JMJD1C: variants seen among roughly 807,000 people sequenced by gnomAD.
JMJD1C encodes jumonji domain containing 1C.
JMJD1C carries 31 observed loss-of-function variants against 245.3 expected under a neutral mutation model. The ratio of observed to expected loss-of-function variants is 0.13; its 90% CI spans 0.09 to 0.17. The LOEUF is 0.17. Ranked by LOEUF, JMJD1C falls within the 10% of genes least tolerant of loss-of-function variation. The pLI is 1.00. For synonymous variants in JMJD1C, 1,057 were observed against 1,017.4 expected (o/e 1.04, Z -0.74); for missense variants, 2,691 against 3,000.2 (o/e 0.90, Z 2.41).
At chr10:63,495,789 GGAAA>G (rs1407239165) in intron 1 of JMJD1C, among the ~76,000 whole-genome samples, 1 of 150,810 alleles carries the variant, frequency 6.6e-6, no homozygotes, top group Non-Finnish European at 1.5e-5. Context: ...ATTGAGAAAG[GGAAA>G]GAATGAAGCA....
At chr10:63,198,041 A>G (rs146270584) in intron 12 of JMJD1C, among the ~76,000 whole-genome samples, 1 of 152,252 alleles carries the variant, frequency 6.6e-6, no homozygotes, top group African/African-American at 2.4e-5. Flanking sequence ...CTATGTTAGG[A>G]ACTATTAAGT....
At chr10:63,223,850 T>A (rs192511658) in intron 3 of JMJD1C, among the ~76,000 whole-genome samples, 81 of 152,086 alleles carry the variant, frequency 5.3e-4, no homozygotes, top group African/African-American at 1.9e-3. Flanking sequence ...ACCTCCCGGG[T>A]TCAAGAGATT....
In JMJD1C at chr10:63,448,960, T is replaced by C. The variant is rs1423689389; in HGVS notation, c.168+16535A>G. On this transcript the variant is annotated intron_variant, in intron 1 of 25. Transcript: ENST00000399262. ...GGTGAAACCCCTTCTCTACTAAAAA[T>C]ACAAAAATTAGCCAGGTGCGGTGGC... 2.6e-5 allele frequency among the ~76,000 whole-genome samples: 4 copies of C among 151,798 alleles called. No individual in the cohort carries two copies. The East Asian group carries it at 7.9e-4, about 30-fold the overall frequency.
chr10:63,520,244 A>G (rs1484194332), intron 1 of JMJD1C, among the ~76,000 whole-genome samples: 1 of 152,074 alleles, frequency 6.6e-6, no homozygotes, highest in Non-Finnish European at 1.5e-5. Context: ...GCCTCATATC[A>G]CCCTTGAAAG....
intron 1 of JMJD1C, among the ~76,000 whole-genome samples, chr10:63,441,880 A>G (rs1418835414): frequency 1.3e-5 from 2 of 152,090 alleles, no homozygotes; most frequent in African/African-American, 4.8e-5. Flanking sequence ...GCTCCTCTCA[A>G]TCCTCTTCTC....
chr10:63,324,462 GAGATCAGA>G (rs1359057797), intron 2 of JMJD1C, among the ~76,000 whole-genome samples: 2 of 152,140 alleles, frequency 1.3e-5, no homozygotes, highest in Non-Finnish European at 2.9e-5. Flanking sequence ...CCTGCAGACG[GAGATCAGA>G]TTTATACACA....
intron 2 of JMJD1C, among the ~76,000 whole-genome samples, chr10:63,314,709 G>T (rs1294580098): frequency 6.6e-6 from 1 of 150,466 alleles, no homozygotes; most frequent in East Asian, 2.0e-4. Context: ...GTGTAATGGT[G>T]CGAGCTCAGC....
chr10:63,265,619 T>C (rs556509942), intron 2 of JMJD1C, among the ~76,000 whole-genome samples: 12 of 152,156 alleles, frequency 7.9e-5, no homozygotes, highest in Non-Finnish European at 1.5e-4. Context: ...CTTATATTCA[T>C]GGTACTGTTC....
chr10:63,305,693 T>G (rs910095665), intron 2 of JMJD1C, among the ~76,000 whole-genome samples: 1 of 147,850 alleles, frequency 6.8e-6, no homozygotes, highest in Non-Finnish European at 1.5e-5. Flanking sequence ...TTGAAAGATC[T>G]TTCTCAAAGG....
intron 3 of JMJD1C, among the ~76,000 whole-genome samples, chr10:63,236,240 C>T (rs1014468674): frequency 1.1e-4 from 17 of 152,250 alleles, no homozygotes; most frequent in African/African-American, 2.6e-4. Flanking sequence ...ACCTATCTTT[C>T]ATAACAATAT....
At position 63,395,216 on chromosome 10, in the gene JMJD1C, T is replaced by C. The variant is rs146931129; in HGVS notation, c.169-14734A>G. The stretch of plus-strand genomic sequence containing the variant: ...ATTTTTGGCCAGGTGCAGCGGCTCA[T>C]GCCTGTAATCCCAGCACTTTGGGAG... On this transcript the variant is annotated intron_variant, in intron 1 of 25. Coordinates refer to ENST00000399262, the MANE Select transcript of JMJD1C (RefSeq NM_032776.3). Among the ~76,000 whole-genome samples, 1,076 of 152,230 alleles carry C rather than the reference T, an allele frequency of 7.1e-3. 15 individuals are homozygous for C. The highest frequency in any genetic ancestry group is 0.023 in the African/African-American group (976 of 41,556).
intron 2 of JMJD1C, among the ~76,000 whole-genome samples, chr10:63,278,858 AT>A (rs1369310378): frequency 2.7e-5 from 4 of 147,558 alleles, no homozygotes; most frequent in South Asian, 2.1e-4. Flanking sequence ...AAAAAAAAAA[AT>A]AGTACTGTTA....
At chr10:63,481,575 A>G (rs1344971368) in intron 1 of JMJD1C, among the ~76,000 whole-genome samples, 1 of 152,226 alleles carries the variant, frequency 6.6e-6, no homozygotes, top group Non-Finnish European at 1.5e-5. Flanking sequence ...ACTACAGTCA[A>G]TTATAGATTA....
intron 2 of JMJD1C, among the ~76,000 whole-genome samples, chr10:63,364,146 T>C (rs1945649441): frequency 6.6e-6 from 1 of 152,054 alleles, no homozygotes; most frequent in Non-Finnish European, 1.5e-5. Flanking sequence ...ATTACAGGTG[T>C]GAGCCACTGC....
chr10:63,325,255 TGATA>T (rs1941371953), intron 2 of JMJD1C, among the ~76,000 whole-genome samples: 1 of 152,196 alleles, frequency 6.6e-6, no homozygotes, highest in African/African-American at 2.4e-5. Flanking sequence ...AAATATTACT[TGATA>T]AACACAAATG....
At position 63,208,358 on chromosome 10, in the gene JMJD1C, T is replaced by G; in HGVS notation, c.3311A>C (p.Glu1104Ala). 1 of 1,613,918 alleles carries G rather than the reference T, an allele frequency of 6.2e-7. No homozygotes were observed. The highest frequency in any genetic ancestry group is 8.5e-7 in the Non-Finnish European group (1 of 1,179,784). ...TTTGGATGGGTATGATCTTGGTGGT[T>G]CATTGACCACACTATTAGACAATGT... ...FTTLSNSVVN[E>A]PPRSYPSKEV... Residue 1104 changes from glutamate to alanine, a missense_variant, in exon 10 of 26, where the codon GAA becomes GCA. Around this residue, in one of 9 missense-constraint regions of JMJD1C, gnomAD observed 1,562 missense variants for 1,490.7 expected, o/e 1.05. Coordinates refer to ENST00000399262, the MANE Select transcript of JMJD1C (RefSeq NM_032776.3).
At chr10:63,439,627 A>C (rs886110658) in intron 1 of JMJD1C, among the ~76,000 whole-genome samples, 4 of 152,152 alleles carry the variant, frequency 2.6e-5, no homozygotes, top group Non-Finnish European at 5.9e-5. Flanking sequence ...TTAAGGCCTT[A>C]TTTCTATTTT....
At chr10:63,395,996 T>C (rs1045480081) in intron 1 of JMJD1C, among the ~76,000 whole-genome samples, 1 of 152,200 alleles carries the variant, frequency 6.6e-6, no homozygotes, top group African/African-American at 2.4e-5. Context: ...CACTGTTCTA[T>C]GTCTTAATCG....
intron 3 of JMJD1C, among the ~76,000 whole-genome samples, chr10:63,255,281 A>G (rs1253247706): frequency 2.0e-5 from 3 of 152,314 alleles, no homozygotes; most frequent in African/African-American, 7.2e-5. Context: ...CTTCTTTTCA[A>G]CGTTTCATTC....
Sources: gnomAD v4.1 joint callset for allele counts (sites outside exome capture counted in the v4.1 genomes callset) on GRCh38, gnomAD v4.1.1 for gene constraint, gnomAD v4.1.1 regional missense constraint, MANE v1.5 for transcripts, NCBI Gene and HGNC (gene_info 2026-07-23, HGNC 2026-07-21) for gene names.